Variants in TPST1 observed in about 807,000 individuals in gnomAD.
TPST1 encodes tyrosylprotein sulfotransferase 1, also known as protein-tyrosine sulfotransferase 1.
Under a neutral mutation model 34.8 loss-of-function variants are expected in TPST1, and 20 were observed. The ratio of observed to expected loss-of-function variants is 0.57; its 90% confidence interval spans 0.40 to 0.84. The LOEUF is 0.84. TPST1 is among the 40% of genes least tolerant of loss of function. TPST1 has a pLI of 0.00. For synonymous variants in TPST1, 152 were observed against 159.4 expected (o/e 0.95, Z 0.35); for missense variants, 353 against 455.5 (o/e 0.78, Z 2.05).
At chr7:66,327,736 A>AGT (rs1412300749) in intron 3 of TPST1, among the ~76,000 whole-genome samples, 2 of 94,518 alleles carry the variant, frequency 2.1e-5, no homozygotes, top group African/African-American at 4.9e-5. Context: ...AAAAAAAAAA[A>AGT]GTGCGTGTGT....
At chr7:66,326,398 G>C (rs1037199316) in intron 3 of TPST1, among the ~76,000 whole-genome samples, 2 of 152,170 alleles carry the variant, frequency 1.3e-5, no homozygotes, top group Admixed American at 1.3e-4. Context: ...CCCAGTTTGA[G>C]AAAAGAGGGG....
At chr7:66,323,999 T>C (rs1445199810) in intron 3 of TPST1, among the ~76,000 whole-genome samples, 3 of 152,288 alleles carry the variant, frequency 2.0e-5, no homozygotes, top group Admixed American at 6.5e-5. Context: ...TAAATGTCCA[T>C]CTACAGATGA....
chr7:66,303,990 G>C (rs902599833), intron 3 of TPST1, among the ~76,000 whole-genome samples: 1 of 152,188 alleles, frequency 6.6e-6, no homozygotes, highest in African/African-American at 2.4e-5. Context: ...AGCCCCAGAG[G>C]TTGTGGCAGC....
chr7:66,308,694 C>G (rs182242923), intron 3 of TPST1, among the ~76,000 whole-genome samples: 159 of 152,284 alleles, frequency 1.0e-3, no homozygotes, highest in African/African-American at 3.7e-3. Context: ...CTCTGACAGC[C>G]TTTCCCATTG....
chr7:66,359,344 A>C (rs1029292857), intron 5 of TPST1: 1 of 147,114 alleles, frequency 6.8e-6, no homozygotes, highest in Non-Finnish European at 1.5e-5. Context: ...TCACATGAGG[A>C]ATCAGGGTGC....
chr7:66,261,118 G>A (rs1274695998), intron 2 of TPST1, among the ~76,000 whole-genome samples: 1 of 152,026 alleles, frequency 6.6e-6, no homozygotes. Flanking sequence ...TTTTCTCAAG[G>A]CAGTAAGCTG....
At chr7:66,327,331 G>C (rs538516895) in intron 3 of TPST1, among the ~76,000 whole-genome samples, 2 of 152,330 alleles carry the variant, frequency 1.3e-5, no homozygotes, top group South Asian at 4.1e-4. Context: ...TGAGTTTACA[G>C]AAAGAAAGGA....
At chr7:66,314,735 T>C (rs1272904136) in intron 3 of TPST1, among the ~76,000 whole-genome samples, 1 of 152,240 alleles carries the variant, frequency 6.6e-6, no homozygotes, top group East Asian at 1.9e-4. Flanking sequence ...GTTCTTAGGC[T>C]ACAAAACTGT....
rs377712883 is a variant in TPST1, at chr7:66,240,792, C to A, written c.367C>A (p.Arg123Ser). 1 of 1,614,168 alleles carries A rather than the reference C, an allele frequency of 6.2e-7. No homozygotes were observed. The highest frequency in any genetic ancestry group is 8.5e-7 in the Non-Finnish European group (1 of 1,180,042). ...MWSRSSKEKIRLDEAGVTDEV... is the reference protein window; with the variant it reads ...MWSRSSKEKISLDEAGVTDEV... Reference sequence around the variant, plus strand: ...GTCACGGTCAAGTAAAGAGAAGATCCGCCTGGATGAGGCTGGTGTTACTGA... The same window carrying A: ...GTCACGGTCAAGTAAAGAGAAGATCAGCCTGGATGAGGCTGGTGTTACTGA... Residue 123 changes from arginine (R) to serine (S), a missense_variant, in exon 2 of 6, where the codon CGC becomes AGC. Transcript: ENST00000304842.
chr7:66,329,831 T>A (rs1344486262), intron 3 of TPST1, among the ~76,000 whole-genome samples: 1 of 152,086 alleles, frequency 6.6e-6, no homozygotes, highest in Non-Finnish European at 1.5e-5. Flanking sequence ...TTATCCTAAG[T>A]GAATTAATGC....
At chr7:66,305,795 G>C in intron 3 of TPST1, among the ~76,000 whole-genome samples, 1 of 152,098 alleles carries the variant, frequency 6.6e-6, no homozygotes, top group Non-Finnish European at 1.5e-5. Context: ...GTGAATATAG[G>C]GCTATTTCGA....
the TPST1 span, among the ~76,000 whole-genome samples, chr7:66,198,893 C>G: frequency 6.6e-6 from 1 of 152,162 alleles, no homozygotes; most frequent in African/African-American, 2.4e-5. Context: ...ATCCCTGTAT[C>G]CCAGAAGCTT....
At chr7:66,318,951 C>CT (rs1791693421) in intron 3 of TPST1, among the ~76,000 whole-genome samples, 1 of 152,206 alleles carries the variant, frequency 6.6e-6, no homozygotes, top group Non-Finnish European at 1.5e-5. Context: ...TGAGAAGTTA[C>CT]TATCAGCGTA....
At chr7:66,218,559 T>C (rs1240584741) in intron 1 of TPST1, among the ~76,000 whole-genome samples, 2 of 152,250 alleles carry the variant, frequency 1.3e-5, no homozygotes. Flanking sequence ...AAATTGCTAT[T>C]ATAGGGCTGG....
At chr7:66,286,461 T>C in intron 2 of TPST1, 50 bp from the exon 3 acceptor site, 3 of 1,360,610 alleles carry the variant, frequency 2.2e-6, no homozygotes, top group East Asian at 2.8e-5. Context: ...TAAAGCATGA[T>C]TTTCTAAAAA....
chr7:66,302,549 T>C (rs1584221812), intron 3 of TPST1, among the ~76,000 whole-genome samples: 2 of 152,322 alleles, frequency 1.3e-5, no homozygotes, highest in South Asian at 4.1e-4. Context: ...TAATTAATCA[T>C]ACCAGTCCAC....
At chr7:66,200,578 C>T (rs1789024691), upstream of TPST1, among the ~76,000 whole-genome samples, 1 of 151,512 alleles carries the variant, frequency 6.6e-6, no homozygotes, top group Non-Finnish European at 1.5e-5. Context: ...CGCCAGCACA[C>T]CCGGCTAATT....
chr7:66,335,403 C>G (rs1447194236), intron 3 of TPST1, among the ~76,000 whole-genome samples: 2 of 150,778 alleles, frequency 1.3e-5, no homozygotes, highest in East Asian at 3.9e-4. Context: ...TACAGTGAGC[C>G]AAGATCGCAC....
At chr7:66,345,326 G>A (rs1050412153) in intron 3 of TPST1, among the ~76,000 whole-genome samples, 13 of 151,158 alleles carry the variant, frequency 8.6e-5, no homozygotes, top group African/African-American at 3.2e-4. Flanking sequence ...GTGAAACCCT[G>A]TCTCTACTAA....
Sources: allele counts gnomAD v4.1 joint callset (sites outside exome capture counted in the v4.1 genomes callset), GRCh38; gene constraint gnomAD v4.1.1; transcripts MANE v1.5; gene names NCBI Gene and HGNC (gene_info 2026-07-23, HGNC 2026-07-21).